Variants in CLIC4 observed in about 807,000 individuals in gnomAD.
CLIC4 encodes chloride intracellular channel protein 4.
A neutral mutation model predicts 24.6 loss-of-function variants in CLIC4; 13 were observed. The observed-to-expected ratio is 0.53, with a 90% CI of 0.34 to 0.84. The LOEUF is 0.84. Among genes scored for constraint, CLIC4 ranks in the 40% least tolerant of loss-of-function variants. The pLI is 0.01. For missense variants in CLIC4, 227 were observed against 301.7 expected (o/e 0.75, Z 1.83); for synonymous variants, 104 against 111.3 (o/e 0.93, Z 0.41).
intron 3 of CLIC4, 90 bp from the exon 4 acceptor site, chr1:24,826,920 C>A: frequency 1.3e-6 from 1 of 781,590 alleles, no homozygotes; most frequent in South Asian, 1.8e-5. Context: ...TATTAAAAGA[C>A]GTCTAGTAAC....
intron 1 of CLIC4, among the ~76,000 whole-genome samples, chr1:24,758,103 T>TG (rs1638873561): frequency 6.6e-6 from 1 of 152,176 alleles, no homozygotes. Flanking sequence ...GGTCCTAAGT[T>TG]TGAAAAGGTA....
chr1:24,766,996 A>G (rs1391024609), intron 1 of CLIC4, among the ~76,000 whole-genome samples: 1 of 150,956 alleles, frequency 6.6e-6, no homozygotes, highest in Non-Finnish European at 1.5e-5. Flanking sequence ...GGGCCACACA[A>G]AAAATACACT....
intron 3 of CLIC4, among the ~76,000 whole-genome samples, chr1:24,823,634 C>T (rs952907326): frequency 6.6e-6 from 1 of 151,938 alleles, no homozygotes; most frequent in South Asian, 2.1e-4. Context: ...ATTAGCTGGG[C>T]GTGGTGACGG....
chr1:24,761,771 T>G (rs1334092642), intron 1 of CLIC4, among the ~76,000 whole-genome samples: 1 of 151,994 alleles, frequency 6.6e-6, no homozygotes, highest in East Asian at 1.9e-4. Context: ...GTGGCTTGGA[T>G]TAATAAGGTG....
At chr1:24,807,770 T>C (rs1322981411) in intron 2 of CLIC4, among the ~76,000 whole-genome samples, 1 of 152,198 alleles carries the variant, frequency 6.6e-6, no homozygotes, top group Non-Finnish European at 1.5e-5. Flanking sequence ...CCCCTTTATC[T>C]AATCTACCGT....
intron 1 of CLIC4, among the ~76,000 whole-genome samples, chr1:24,788,588 C>T (rs6697053): frequency 0.028 from 4,296 of 152,284 alleles, 185 homozygotes; most frequent in African/African-American, 0.098. Flanking sequence ...TGTTTTGTTC[C>T]TTTCACTTAT....
At chr1:24,766,111 A>G (rs1276736693) in intron 1 of CLIC4, among the ~76,000 whole-genome samples, 2 of 151,746 alleles carry the variant, frequency 1.3e-5, no homozygotes, top group Non-Finnish European at 2.9e-5. Flanking sequence ...AGTTCCAGCT[A>G]TTCTCCTGAC....
At chr1:24,799,341 C>A (rs1639446380) in intron 2 of CLIC4, among the ~76,000 whole-genome samples, 1 of 151,394 alleles carries the variant, frequency 6.6e-6, no homozygotes, top group Non-Finnish European at 1.5e-5. Flanking sequence ...CCGGCCGCAA[C>A]CCCGTCTGGG....
intron 3 of CLIC4, among the ~76,000 whole-genome samples, chr1:24,820,265 GTCTT>G (rs1048295358): frequency 2.0e-5 from 1 of 49,780 alleles, no homozygotes; most frequent in Non-Finnish European, 3.5e-5. Flanking sequence ...TCCCTTTTTG[GTCTT>G]TTTTTTTTTT....
In CLIC4 at chr1:24,810,117, A is replaced by T. The variant is rs575815821; in HGVS notation, c.183-3977A>T. On this transcript the variant is annotated intron_variant, in intron 2 of 5. Transcript: ENST00000374379. ...ATGTCGTTTCATCCCTACTTAATTC[A>T]GTGTATGTCTTCAAACAATGTGGAC... 7.2e-5 allele frequency among the ~76,000 whole-genome samples: 11 copies of T among 152,336 alleles called. No individual in the cohort carries two copies. The South Asian group carries it at 2.3e-3, about 32-fold the overall frequency.
rs556612282 is a variant in CLIC4 at position 24,786,492 on chromosome 1, A to G, written c.73-11250A>G. Among the ~76,000 whole-genome samples the G allele has an allele frequency of 8.5e-5, 13 of 152,364 alleles. No individual in the cohort carries two copies. In the East Asian group the frequency reaches 2.5e-3, roughly 29 times the overall value. ...AACACCCAGACAGCAAAGTAAAGAAAATACTCCTTTTATAAGAATAAAACC... is the reference window on the plus strand; with the variant it reads ...AACACCCAGACAGCAAAGTAAAGAAGATACTCCTTTTATAAGAATAAAACC... On this transcript the variant is annotated intron_variant, in intron 1 of 5. Transcript: ENST00000374379.
chr1:24,750,039 C>T (rs1427995003), intron 1 of CLIC4, among the ~76,000 whole-genome samples: 1 of 152,174 alleles, frequency 6.6e-6, no homozygotes, highest in Non-Finnish European at 1.5e-5. Context: ...GAGCCGTGAT[C>T]GTGCCACTGC....
intron 1 of CLIC4, among the ~76,000 whole-genome samples, chr1:24,786,898 G>A (rs986794631): frequency 9.2e-5 from 14 of 151,842 alleles, no homozygotes; most frequent in African/African-American, 3.4e-4. Context: ...GATTACAGGT[G>A]TGAGCCACCG....
At chr1:24,806,211 G>A (rs778250502) in intron 2 of CLIC4, among the ~76,000 whole-genome samples, 1 of 152,196 alleles carries the variant, frequency 6.6e-6, no homozygotes, top group Non-Finnish European at 1.5e-5. Context: ...AATTCTTACA[G>A]TGTTACATTT....
chr1:24,840,798 T>G lies in CLIC4; in HGVS notation c.623T>G (p.Phe208Cys). Residue 208 changes from phenylalanine (F) to cysteine (C), a missense_variant, in exon 6 of 6, where the codon TTT becomes TGT. Physicochemically the swap from Phe to Cys is radical, Grantham distance 205 (BLOSUM62 -2). Coordinates refer to ENST00000374379, the MANE Select transcript of CLIC4 (RefSeq NM_013943.3). ...GTGGTGGCCAAAAAATATCGCAACT[T>G]TGATATTCCAAAAGAAATGACTGGC... is the stretch of plus-strand genomic sequence containing the variant. ...VKVVAKKYRNFDIPKEMTGIW... is the reference protein window; with the variant it reads ...VKVVAKKYRNCDIPKEMTGIW... 6.2e-7 allele frequency: 1 copy of G among 1,606,906 alleles called. No individual in the cohort carries two copies. The highest frequency in any genetic ancestry group is 1.3e-5 in the African/African-American group (1 of 74,666).
chr1:24,803,370 A>G (rs1390724990), intron 2 of CLIC4, among the ~76,000 whole-genome samples: 1 of 152,162 alleles, frequency 6.6e-6, no homozygotes, highest in East Asian at 1.9e-4. Context: ...TCACTCTATG[A>G]TTTGAAAAAA....
intron 1 of CLIC4, chr1:24,777,870 T>C (rs1639160039): frequency 6.6e-6 from 1 of 152,238 alleles, no homozygotes; most frequent in South Asian, 2.1e-4. Flanking sequence ...CTTTTACTTT[T>C]AAGAAAATGT....
chr1:24,791,750 C>T (rs1466377478), intron 1 of CLIC4, among the ~76,000 whole-genome samples: 2 of 152,036 alleles, frequency 1.3e-5, no homozygotes, highest in Non-Finnish European at 2.9e-5. Flanking sequence ...GTTGTGGGCA[C>T]CTGTAATCCG....
chr1:24,786,505 T>A (rs1639269155), intron 1 of CLIC4, among the ~76,000 whole-genome samples: 1 of 152,258 alleles, frequency 6.6e-6, no homozygotes, highest in African/African-American at 2.4e-5. Flanking sequence ...ACTCCTTTTA[T>A]AAGAATAAAA....
Sources: gnomAD v4.1 joint callset for allele counts (sites outside exome capture counted in the v4.1 genomes callset) on GRCh38, gnomAD v4.1.1 for gene constraint, MANE v1.5 for transcripts, NCBI Gene and HGNC (gene_info 2026-07-23, HGNC 2026-07-21) for gene names.